Variants in DENND3 observed in about 807,000 individuals in gnomAD.
DENND3 encodes the protein DENN domain containing 3, also known as DENN domain-containing protein 3.
Under a neutral mutation model 135.1 loss-of-function variants are expected in DENND3, and 88 were observed. The ratio of observed to expected loss-of-function variants is 0.65; its 90% CI spans 0.55 to 0.78. The LOEUF is 0.78. DENND3 is among the 30% of genes least tolerant of loss of function. The probability of loss-of-function intolerance (pLI) is 0.00; values close to 1 mark genes in which losing one functional copy is unlikely to be tolerated. For missense variants in DENND3, 1,392 were observed against 1,688.4 expected, an observed-to-expected ratio of 0.82 and a Z score of 3.08; for synonymous variants, 693 against 712.3, an observed-to-expected ratio of 0.97 and a Z score of 0.43.
chr8:141,165,348 C>A, intron 11 of DENND3, 59 bp downstream of exon 11: 1 of 1,384,128 alleles, frequency 7.2e-7, no homozygotes, highest in Non-Finnish European at 1.0e-6. Flanking sequence ...GTTCAAGGAC[C>A]TCAGTTTTAT....
rs557209372 is a variant in DENND3, at chr8:141,167,964, G to A, written c.1754-40G>A. ...ACAGGGACACGTGTTCATTTGGAAGGTCTGTGCTAATGGTCTCCTTTTCCC... is the reference window on the plus strand; with the variant it reads ...ACAGGGACACGTGTTCATTTGGAAGATCTGTGCTAATGGTCTCCTTTTCCC... On this transcript the variant is annotated intron_variant, in intron 12 of 22. Coordinates refer to ENST00000519811, the MANE Select transcript of DENND3 (RefSeq NM_001352890.3). This position sits in a 1 kb window ranked among gnomAD's most constrained non-coding sequence, Gnocchi z 4.1. 31 of 1,571,284 alleles carry A rather than the reference G, an allele frequency of 2.0e-5. No homozygotes were observed. The highest frequency in any genetic ancestry group is 2.6e-5 in the Non-Finnish European group (30 of 1,156,468).
In DENND3 at chr8:141,151,653, T is replaced by C; in HGVS notation, c.890T>C (p.Val297Ala). The stretch of plus-strand genomic sequence containing the variant: ...TGCATCCTGACGGAACAGCGGATCG[T>C]CTTCTTCTCCTCGGACTGGGCTCTG... The part of the protein sequence containing the change: ...LTCILTEQRI[V>A]FFSSDWALLT... The change falls in exon 7 of 23, where the codon GTC becomes GCC. Residue 297 changes from valine to alanine, a missense_variant. Transcript: ENST00000519811. The C allele has an allele frequency of 6.2e-7, 1 of 1,613,976 alleles. No homozygotes were observed.
Position 141,138,940 on chromosome 8 carries a change from G to A in DENND3, c.501+803G>A, listed in dbSNP as rs1477850834. ...TTTCCGCCTTTTGTCTTTGGTGTGA[G>A]CGACTGGCGTTTAGACTTTACAACA... On this transcript the variant is annotated intron_variant, in intron 3 of 22. Coordinates refer to ENST00000519811, the MANE Select transcript of DENND3 (RefSeq NM_001352890.3). This position sits in a 1 kb window ranked among gnomAD's most constrained non-coding sequence, Gnocchi z 4.8. Among the ~76,000 whole-genome samples the A allele has an allele frequency of 6.6e-6, 1 of 152,228 alleles. No individual in the cohort carries two copies. Among genetic ancestry groups the A allele is most frequent in the Non-Finnish European group, 1.5e-5 (1 of 68,044 alleles).
chr8:141,175,420 G>A lies in DENND3; in HGVS notation c.2496G>A (p.Arg832=), dbSNP rs754070715. The change falls in exon 14 of 23, where the codon AGG becomes AGA. Residue 832 remains arginine, a synonymous_variant. Coordinates refer to ENST00000519811, the MANE Select transcript of DENND3 (RefSeq NM_001352890.3). This position sits in a 1 kb window ranked among gnomAD's most constrained non-coding sequence, Gnocchi z 5.4. The stretch of plus-strand genomic sequence containing the variant: ...GCCTGTTCCTCCTAACCGAAGGAAG[G>A]CCAGGCTACTTGGAGATTTCCACCT... ...QKRLFLLTEG[R]PGYLEISTFR... 1 of 1,614,164 alleles carries A rather than the reference G, an allele frequency of 6.2e-7. No homozygotes were observed. The highest frequency in any genetic ancestry group is 1.1e-5 in the South Asian group (1 of 91,082).
rs968991100 is a variant in DENND3 at position 141,174,159 on chromosome 8, C to T, written c.2276-1041C>T. ...GACCTGTTTGGGAGCATGCTTGGTACGGCTGGGCTGTGGGGTGGGTAGGTG... is the reference window on the plus strand; with the variant it reads ...GACCTGTTTGGGAGCATGCTTGGTATGGCTGGGCTGTGGGGTGGGTAGGTG... On this transcript the variant is annotated intron_variant, in intron 13 of 22. Coordinates refer to ENST00000519811, the MANE Select transcript of DENND3 (RefSeq NM_001352890.3). This position sits in a 1 kb window ranked among gnomAD's most constrained non-coding sequence, Gnocchi z 4.6. 3.3e-5 allele frequency among the ~76,000 whole-genome samples: 5 copies of T among 152,084 alleles called. No individual in the cohort carries two copies. The highest frequency in any genetic ancestry group is 2.1e-4 in the South Asian group (1 of 4,818).
intron 7 of DENND3, among the ~76,000 whole-genome samples, chr8:141,152,052 T>C (rs1253800065): frequency 6.6e-6 from 1 of 152,170 alleles, no homozygotes; most frequent in African/African-American, 2.4e-5. Flanking sequence ...GACAGGACAG[T>C]GAGTGTGCCC....
chr8:141,145,664 C>T (rs531326233), intron 5 of DENND3, among the ~76,000 whole-genome samples: 10 of 151,750 alleles, frequency 6.6e-5, no homozygotes, highest in African/African-American at 1.7e-4. Context: ...AGTGATATGT[C>T]GTGGCACTTC....
intron 10 of DENND3, among the ~76,000 whole-genome samples, chr8:141,164,575 C>A (rs1458198112): frequency 6.6e-6 from 1 of 152,198 alleles, no homozygotes; most frequent in Non-Finnish European, 1.5e-5. Flanking sequence ...GCCCTGTGAG[C>A]TTGGAGAGTT....
In DENND3 at chr8:141,175,658, T is replaced by C; in HGVS notation, c.2535+199T>C. On this transcript the variant is annotated intron_variant, in intron 14 of 22. Coordinates refer to ENST00000519811, the MANE Select transcript of DENND3 (RefSeq NM_001352890.3). This position sits in a 1 kb window ranked among gnomAD's most constrained non-coding sequence, Gnocchi z 5.4. ...ATACCTTCTCAGTGGGTGGTGGAGA[T>C]TGAATAGTTTGCATATGGAGCATGC... 1 of 746,508 alleles carries C rather than the reference T, an allele frequency of 1.3e-6. No homozygotes were observed. Among genetic ancestry groups the C allele is most frequent in the Non-Finnish European group, 2.2e-6 (1 of 446,140 alleles). 46.2% of individuals were successfully genotyped at this position (746,508 alleles called of 1,614,324 possible). A position where few individuals can be genotyped will look rare whatever the true frequency, so the allele number is the denominator to read the frequency against.
chr8:141,173,058 G>GAGGCACCCCAGT (rs1589665397), intron 13 of DENND3, among the ~76,000 whole-genome samples: 5 of 152,076 alleles, frequency 3.3e-5, no homozygotes, highest in Admixed American at 6.6e-5. Flanking sequence ...GGAGGTGGCT[G>GAGGCACCCCAGT]CATTGGGTGC....
chr8:141,178,022 C>T, intron 15 of DENND3, 45 bp from the exon 16 acceptor site: 1 of 1,573,132 alleles, frequency 6.4e-7, no homozygotes, highest in South Asian at 1.1e-5. Flanking sequence ...GTGAACTGAT[C>T]TTAGTGATTC....
chr8:141,189,830 G>A (rs1026973503), intron 19 of DENND3, among the ~76,000 whole-genome samples: 5 of 152,182 alleles, frequency 3.3e-5, no homozygotes, highest in South Asian at 2.1e-4. Context: ...GCCCAGCCCC[G>A]CCCACAGCCG....
rs1427301628 is a variant in DENND3 at position 141,146,864 on chromosome 8, T to G, written c.735+2605T>G. On this transcript the variant is annotated intron_variant, in intron 5 of 22. Transcript: ENST00000519811. The surrounding 1 kb of genome is among the most constrained non-coding windows in gnomAD (Gnocchi z 4.3). ...TATGTGCAGTGAAATCATCAAAGTT[T>G]ATGTTCTTGTTCTGTAAACGCAGCA... Among the ~76,000 whole-genome samples the G allele has an allele frequency of 6.6e-6, 1 of 152,194 alleles. No individual in the cohort carries two copies. Among genetic ancestry groups the G allele is most frequent in the Non-Finnish European group, 1.5e-5 (1 of 68,040 alleles).
At chr8:141,157,820 C>T (rs535666498) in intron 8 of DENND3, 10 of 968,092 alleles carry the variant, frequency 1.0e-5, no homozygotes, top group Non-Finnish European at 1.1e-5. Flanking sequence ...GGTGCAGTGG[C>T]GTGATCTTGG....
At chr8:141,149,623 C>T (rs561514219) in intron 5 of DENND3, among the ~76,000 whole-genome samples, 3 of 152,372 alleles carry the variant, frequency 2.0e-5, no homozygotes, top group African/African-American at 7.2e-5. Flanking sequence ...CGGATGCTGT[C>T]CCATGGCAGG....
chr8:141,167,879 CA>C lies in DENND3; in HGVS notation c.1754-124del. ...GGTGTGTGGAGCTTTCTGGAGGGAG[CA>C]CACCCATTCTCATTTTATTTTGCAT... On this transcript the variant is annotated intron_variant, in intron 12 of 22. Transcript: ENST00000519811. The surrounding 1 kb of genome is among the most constrained non-coding windows in gnomAD (Gnocchi z 4.1). 2.9e-6 allele frequency: 4 copies of C among 1,361,664 alleles called. No individual in the cohort carries two copies. Among genetic ancestry groups the C allele is most frequent in the Non-Finnish European group, 4.0e-6 (4 of 999,732 alleles). 84.3% of individuals were successfully genotyped at this position (1,361,664 alleles called of 1,614,324 possible). A position where few individuals can be genotyped will look rare whatever the true frequency, so the allele number is the denominator to read the frequency against.
intron 22 of DENND3, 34 bp downstream of exon 22, chr8:141,192,697 C>T (rs779929065): frequency 8.7e-6 from 14 of 1,605,784 alleles, no homozygotes; most frequent in Admixed American, 1.7e-5. Flanking sequence ...CCAGCATCCC[C>T]GGCAGGTCTC....
At chr8:141,193,019 C>T (rs1212255533) in intron 22 of DENND3, 2 of 715,086 alleles carry the variant, frequency 2.8e-6, no homozygotes, top group Non-Finnish European at 2.0e-6. Flanking sequence ...GCCCTTCTCT[C>T]CCCCACCCGC....
At chr8:141,184,186 C>A (rs1038603977) in intron 17 of DENND3, among the ~76,000 whole-genome samples, 4 of 152,210 alleles carry the variant, frequency 2.6e-5, no homozygotes, top group African/African-American at 9.7e-5. Context: ...TGGGAAGGAT[C>A]TTTAAAATGG....
Sources: allele counts gnomAD v4.1 joint callset (sites outside exome capture counted in the v4.1 genomes callset), GRCh38; gene constraint gnomAD v4.1.1; non-coding constraint Gnocchi (gnomAD v3.1); transcripts MANE v1.5; gene names NCBI Gene and HGNC (gene_info 2026-07-23, HGNC 2026-07-21).